Variants in BOK observed in about 807,000 individuals in gnomAD.
The protein encoded by BOK is BCL2 family apoptosis regulator BOK.
In BOK, 20 loss-of-function variants were observed where a neutral mutation model predicts 18.3. That is an observed-to-expected ratio of 1.09 (90% CI 0.77 to 1.59). The LOEUF (loss-of-function observed/expected upper bound fraction) is 1.59. Ranked by LOEUF, BOK falls within the 40% of genes most tolerant of loss-of-function variation. The probability of loss-of-function intolerance (pLI) is 0.00; values close to 1 mark genes in which losing one functional copy is unlikely to be tolerated. For missense variants in BOK, 348 were observed against 307.9 expected (o/e 1.13, Z -0.97); for synonymous variants, 173 against 142.4 (o/e 1.21, Z -1.53).
intron 3 of BOK, among the ~76,000 whole-genome samples, chr2:241,569,724 T>G (rs2066676181): frequency 6.6e-6 from 1 of 152,150 alleles, no homozygotes; most frequent in Non-Finnish European, 1.5e-5. Context: ...AGGTTAGGGG[T>G]CTGGGGAAGG....
upstream of BOK, chr2:241,558,701 C>T (rs1055496984): frequency 6.6e-6 from 1 of 152,288 alleles, no homozygotes; most frequent in Non-Finnish European, 1.5e-5. Flanking sequence ...CGACTCCGCC[C>T]CCAGGGTTGC....
At chr2:241,568,617 C>T (rs2066654673) in intron 3 of BOK, among the ~76,000 whole-genome samples, 2 of 152,102 alleles carry the variant, frequency 1.3e-5, no homozygotes, top group Admixed American at 1.3e-4. Context: ...GGGGTTTCAC[C>T]ATGTTGGCCG....
At position 241,572,552 on chromosome 2, in the gene BOK, C is replaced by G. The variant is rs2066741354; in HGVS notation, c.*130C>G. The G allele has an allele frequency of 2.5e-5, 34 of 1,380,646 alleles. No homozygotes were observed. Among genetic ancestry groups the G allele is most frequent in the Non-Finnish European group, 3.1e-5 (32 of 1,031,092 alleles). The allele number at this position is 1,380,646 out of a possible 1,614,324, so 85.5% of individuals were successfully genotyped here. On this transcript the variant is annotated 3_prime_UTR_variant, in exon 5 of 5. Transcript: ENST00000318407. ...CTAACCCTCGGAGACCCCCTAAGCC[C>G]CGTTCCTCCGCAGACCCAGGCCCTC...
At chr2:241,559,859 G>A (rs2066499729) in intron 2 of BOK, among the ~76,000 whole-genome samples, 156 bp downstream of exon 2, 1 of 152,164 alleles carries the variant, frequency 6.6e-6, no homozygotes, top group Admixed American at 6.5e-5. Context: ...GGGTGCTCCC[G>A]GATCTGCCCT....
chr2:241,560,115 T>TTCCGAGGCC (rs1267585565), intron 2 of BOK: 2 of 985,232 alleles, frequency 2.0e-6, no homozygotes, highest in Non-Finnish European at 2.4e-6. Context: ...GCCCTCTGGA[T>TTCCGAGGCC]TCCGAGGCCT....
chr2:241,553,843 C>T (rs922316642), upstream of BOK, among the ~76,000 whole-genome samples: 1 of 152,190 alleles, frequency 6.6e-6, no homozygotes, highest in African/African-American at 2.4e-5. Flanking sequence ...AGAGTGGCCT[C>T]TACCCCAAGG....
chr2:241,556,115 G>A (rs1203309284), upstream of BOK, among the ~76,000 whole-genome samples: 1 of 152,176 alleles, frequency 6.6e-6, no homozygotes, highest in East Asian at 1.9e-4. Flanking sequence ...GCTATCTACA[G>A]GGAATCCCAA....
upstream of BOK, among the ~76,000 whole-genome samples, chr2:241,557,308 C>CTTTTTTTT (rs59048690): frequency 7.9e-6 from 1 of 126,748 alleles, no homozygotes; most frequent in African/African-American, 2.9e-5. Context: ...TTTCTTTTTC[C>CTTTTTTTT]TTTTTTTTTT....
upstream of BOK, among the ~76,000 whole-genome samples, chr2:241,556,273 AT>A (rs1427981204): frequency 6.6e-6 from 1 of 152,236 alleles, no homozygotes; most frequent in African/African-American, 2.4e-5. Flanking sequence ...CACTTACTAC[AT>A]GACATGGATT....
In BOK at chr2:241,572,335, C is replaced by T. The variant is rs771625347; in HGVS notation, c.552C>T (p.Gly184=). ...AGTGTGTGGTCAGCACAGACCCTGG[C>T]CTCCGCTCCCACTGGCTGGTGGCTG... ...VLKCVVSTDP[G]LRSHWLVAAL... Residue 184 remains glycine (G), a synonymous_variant, in exon 5 of 5, where the codon GGC becomes GGT. Coordinates refer to ENST00000318407, the MANE Select transcript of BOK (RefSeq NM_032515.5). 9 of 1,611,040 alleles carry T rather than the reference C, an allele frequency of 5.6e-6. No homozygotes were observed. Among genetic ancestry groups the T allele is most frequent in the Non-Finnish European group, 6.8e-6 (8 of 1,179,852 alleles).
rs150064486 is a variant in BOK, at chr2:241,567,370, G to A, written c.350-2755G>A. Among the ~76,000 whole-genome samples the A allele has an allele frequency of 3.1e-3, 410 of 133,746 alleles. 103 individuals are homozygous for A. Among genetic ancestry groups the A allele is most frequent in the East Asian group, 0.012 (43 of 3,720 alleles). The allele number at this position is 133,746 out of a possible 152,430, so 87.7% of individuals were successfully genotyped here. ...TTGAACTCCTGACCTCAGGTGATCC[G>A]TCTGCCTCAGCCTCCCCAAGTGCTA... On this transcript the variant is annotated intron_variant, in intron 3 of 4. Transcript: ENST00000318407.
chr2:241,558,054 G>GACAGACACACACACACACACACACAC (rs2066467944), upstream of BOK, among the ~76,000 whole-genome samples: 10 of 143,358 alleles, frequency 7.0e-5, no homozygotes, highest in African/African-American at 2.4e-4. Flanking sequence ...AGAGTTCCGA[G>GACAGACACACACACACACACACACAC]ACACACACAC....
In BOK at chr2:241,559,686, C is replaced by T. The variant is rs1188438539; in HGVS notation, c.203C>T (p.Ala68Val). 4 of 1,348,174 alleles carry T rather than the reference C, an allele frequency of 3.0e-6. No individual in the cohort carries two copies. The East Asian group carries it at 1.2e-4, about 41-fold the overall frequency. The allele number at this position is 1,348,174 out of a possible 1,614,324, so 83.5% of individuals were successfully genotyped here. ...CCGGGACGCCTGGCTGAGGTGTGCG[C>T]GGTGCTGCTGCGCCTGGGTGAGTGC... ...PVPGRLAEVC[A>V]VLLRLGDELE... The change falls in exon 2 of 5, where the codon GCG becomes GTG. Residue 68 changes from alanine to valine, a missense_variant. Ala to Val is a moderately conservative substitution (Grantham distance 64). Transcript: ENST00000318407.
intron 3 of BOK, among the ~76,000 whole-genome samples, chr2:241,563,337 C>T (rs911598805): frequency 3.3e-5 from 5 of 152,198 alleles, no homozygotes; most frequent in Non-Finnish European, 5.9e-5. Context: ...CAGCCCCCTG[C>T]CTTTGACCTC....
At chr2:241,559,851 G>C in intron 2 of BOK, 148 bp downstream of exon 2, 1 of 1,021,030 alleles carries the variant, frequency 9.8e-7, no homozygotes, top group Non-Finnish European at 1.3e-6. Flanking sequence ...ACCCAGGCGG[G>C]TGCTCCCGGA....
rs772563521 is a variant in BOK, at chr2:241,562,493, C to T, written c.349+17C>T. The T allele has an allele frequency of 6.1e-5, 98 of 1,599,086 alleles. No homozygotes were observed. The highest frequency in any genetic ancestry group is 2.4e-4 in the South Asian group (21 of 88,870). On this transcript the variant is annotated intron_variant, in intron 3 of 4. Coordinates refer to ENST00000318407, the MANE Select transcript of BOK (RefSeq NM_032515.5). This position sits in a 1 kb window ranked among gnomAD's most constrained non-coding sequence, Gnocchi z 4.5. The stretch of plus-strand genomic sequence containing the variant: ...TCTCTGCAGGTATGCCCAGCCTGCC[C>T]GTCCCATGGGACCTCAGGGAGGGAT...
intron 3 of BOK, among the ~76,000 whole-genome samples, chr2:241,565,110 G>A (rs933957441): frequency 3.9e-5 from 6 of 152,144 alleles, no homozygotes; most frequent in African/African-American, 1.4e-4. Context: ...CAGGTGGCCC[G>A]GGCTATGTGT....
Position 241,562,491 on chromosome 2 carries a change from C to T in BOK, c.349+15C>T. On this transcript the variant is annotated intron_variant, in intron 3 of 4. Transcript: ENST00000318407. This position sits in a 1 kb window ranked among gnomAD's most constrained non-coding sequence, Gnocchi z 4.5. ...CTTCTCTGCAGGTATGCCCAGCCTG[C>T]CCGTCCCATGGGACCTCAGGGAGGG... The T allele has an allele frequency of 6.2e-7, 1 of 1,600,200 alleles. No individual in the cohort carries two copies.
upstream of BOK, among the ~76,000 whole-genome samples, chr2:241,554,876 A>T (rs1362715902): frequency 6.6e-6 from 1 of 152,212 alleles, no homozygotes; most frequent in Non-Finnish European, 1.5e-5. Flanking sequence ...AGCGCTCAGA[A>T]GCCCACTCAC....
Sources: allele counts gnomAD v4.1 joint callset (sites outside exome capture counted in the v4.1 genomes callset), GRCh38; gene constraint gnomAD v4.1.1; non-coding constraint Gnocchi (gnomAD v3.1); transcripts MANE v1.5; gene names NCBI Gene and HGNC (gene_info 2026-07-23, HGNC 2026-07-21).